The following GALK2 variants were observed in gnomAD, a reference collection of about 807,000 sequenced individuals.
GALK2 encodes the protein N-acetylgalactosamine kinase.
Under a neutral mutation model 52.4 loss-of-function variants are expected in GALK2, and 36 were observed. That is an observed-to-expected ratio of 0.69 (90% CI 0.53 to 0.91). GALK2 has a LOEUF of 0.91. Among genes scored for constraint, GALK2 ranks in the 40% least tolerant of loss-of-function variants. GALK2 has a pLI of 0.00. For missense variants in GALK2, 579 were observed against 559.1 expected (o/e 1.04, Z -0.36); for synonymous variants, 176 against 199.1 (o/e 0.88, Z 0.98).
upstream of GALK2, among the ~76,000 whole-genome samples, chr15:49,166,456 C>T (rs113063630): frequency 0.17 from 25,676 of 152,050 alleles, 2,442 homozygotes; most frequent in Non-Finnish European, 0.21. Flanking sequence ...CAGTAGCTCA[C>T]GCCTGTAATC....
chr15:49,210,441 T>C (rs148344284), intron 2 of GALK2, among the ~76,000 whole-genome samples: 3,824 of 150,202 alleles, frequency 0.025, 91 homozygotes, highest in African/African-American at 0.052. Flanking sequence ...TTTTATTTTA[T>C]TATTATTATT....
At chr15:49,265,143 G>T (rs1451508204) in intron 5 of GALK2, among the ~76,000 whole-genome samples, 1 of 152,218 alleles carries the variant, frequency 6.6e-6, no homozygotes, top group South Asian at 2.1e-4. Context: ...AGAGGTTACT[G>T]CTGTCTTTTT....
intron 8 of GALK2, among the ~76,000 whole-genome samples, chr15:49,303,957 T>TTTCA (rs1389938192): frequency 6.6e-6 from 1 of 152,236 alleles, no homozygotes; most frequent in African/African-American, 2.4e-5. Flanking sequence ...CATGGATGTA[T>TTTCA]CTCTGTCTTT....
intron 1 of GALK2, among the ~76,000 whole-genome samples, chr15:49,173,062 C>T (rs893489040): frequency 6.6e-6 from 1 of 152,134 alleles, no homozygotes; most frequent in Non-Finnish European, 1.5e-5. Flanking sequence ...AACTCCATTC[C>T]CTTTCCCCTC....
chr15:49,342,428 CT>C (rs2040877256), intron 3 of GALK2, among the ~76,000 whole-genome samples: 1 of 152,030 alleles, frequency 6.6e-6, no homozygotes, highest in African/African-American at 2.4e-5. Flanking sequence ...GGTGTTGTTA[CT>C]TGTAAAAAGG....
chr15:49,241,409 G>A (rs1195751387), intron 5 of GALK2, among the ~76,000 whole-genome samples: 1 of 152,136 alleles, frequency 6.6e-6, no homozygotes, highest in Admixed American at 6.5e-5. Flanking sequence ...GGATTGAGGA[G>A]TAGTCCAGTA....
At position 49,328,912 on chromosome 15, in the gene GALK2, C is replaced by CTT. The variant is rs887024627; in HGVS notation, c.*754_*755dup. On this transcript the variant is annotated 3_prime_UTR_variant, in exon 10 of 10. Coordinates refer to ENST00000560031, the MANE Select transcript of GALK2 (RefSeq NM_002044.4). The stretch of plus-strand genomic sequence containing the variant: ...CTATCTCCATTACTTAATAGAAAAA[C>CTT]TTAGATAAAAAACACTTTAAGACTC... The CTT allele has an allele frequency of 1.1e-4, 136 of 1,226,872 alleles. No homozygotes were observed. Among genetic ancestry groups the CTT allele is most frequent in the Middle Eastern group, 3.2e-4 (1 of 3,144 alleles). The allele number at this position is 1,226,872 out of a possible 1,614,324, so 76.0% of individuals were successfully genotyped here. A position where few individuals can be genotyped will look rare whatever the true frequency, so the allele number is the denominator to read the frequency against.
intron 8 of GALK2, among the ~76,000 whole-genome samples, chr15:49,308,753 A>G (rs2035749386): frequency 6.6e-6 from 1 of 152,208 alleles, no homozygotes. Flanking sequence ...TACACAGACT[A>G]AAGTGTATTT....
intron 5 of GALK2, among the ~76,000 whole-genome samples, chr15:49,260,129 A>G (rs2092028613): frequency 6.6e-6 from 1 of 152,118 alleles, no homozygotes; most frequent in Non-Finnish European, 1.5e-5. Context: ...TGGTATTTCT[A>G]GTTCTAGATC....
At chr15:49,212,871 T>C (rs1215011392) in intron 2 of GALK2, among the ~76,000 whole-genome samples, 2 of 152,222 alleles carry the variant, frequency 1.3e-5, no homozygotes, top group East Asian at 3.8e-4. Context: ...TTACTTGATA[T>C]TATTTTAACT....
At chr15:49,338,946 C>G (rs147689728) in intron 3 of GALK2, among the ~76,000 whole-genome samples, 1 of 152,110 alleles carries the variant, frequency 6.6e-6, no homozygotes, top group Non-Finnish European at 1.5e-5. Flanking sequence ...GTATGCTTCA[C>G]GAAGTTCTCA....
chr15:49,359,064 T>C (rs1596500485), intron 3 of GALK2, among the ~76,000 whole-genome samples: 1 of 152,172 alleles, frequency 6.6e-6, no homozygotes, highest in East Asian at 1.9e-4. Context: ...GATCCCTTCC[T>C]TACACCTTAT....
intron 5 of GALK2, among the ~76,000 whole-genome samples, chr15:49,266,412 A>G (rs1406689248): frequency 6.6e-6 from 1 of 152,196 alleles, no homozygotes; most frequent in African/African-American, 2.4e-5. Flanking sequence ...GTCATTTTGC[A>G]GTCTAATATA....
At chr15:49,354,263 C>G (rs992801320) in intron 3 of GALK2, among the ~76,000 whole-genome samples, 1 of 152,202 alleles carries the variant, frequency 6.6e-6, no homozygotes, top group African/African-American at 2.4e-5. Context: ...CGAATAGGAA[C>G]AGCTCCGGTC....
chr15:49,346,487 G>A lies in GALK2; in HGVS notation c.427-21004G>A, dbSNP rs148705877. Among the ~76,000 whole-genome samples, 860 of 152,238 alleles carry A rather than the reference G, an allele frequency of 5.6e-3. 6 individuals carry two copies. Among genetic ancestry groups the A allele is most frequent in the African/African-American group, 0.02 (820 of 41,540 alleles). On this transcript the variant is annotated intron_variant, in intron 3 of 3. Transcript: ENST00000558399. ...CTTATTTTAGGGGAAGTAGATGTGA[G>A]AGCTGTTCTCCTGCCTCCTTGCTTG...
chr15:49,286,192 A>T (rs2033332026), intron 7 of GALK2, among the ~76,000 whole-genome samples: 1 of 152,190 alleles, frequency 6.6e-6, no homozygotes, highest in Non-Finnish European at 1.5e-5. Flanking sequence ...CTTCTTTCAG[A>T]TTCAGTTTTA....
At chr15:49,160,558 C>T (rs2084617573) in intron 1 of GALK2, among the ~76,000 whole-genome samples, 3 of 151,920 alleles carry the variant, frequency 2.0e-5, no homozygotes, top group Non-Finnish European at 4.4e-5. Flanking sequence ...CTACTGTTGA[C>T]CCATCATAAT....
chr15:49,230,935 G>T (rs1024343283), intron 3 of GALK2, among the ~76,000 whole-genome samples: 1 of 152,124 alleles, frequency 6.6e-6, no homozygotes, highest in Non-Finnish European at 1.5e-5. Flanking sequence ...TCAGGAAAAG[G>T]CTAGGTAGAG....
At chr15:49,353,125 A>C (rs934581767) in intron 3 of GALK2, among the ~76,000 whole-genome samples, 2 of 152,222 alleles carry the variant, frequency 1.3e-5, no homozygotes, top group Non-Finnish European at 1.5e-5. Context: ...AATAGTTGCC[A>C]ATTCAGCCAC....
Sources: allele counts gnomAD v4.1 joint callset (sites outside exome capture counted in the v4.1 genomes callset), GRCh38; gene constraint gnomAD v4.1.1; transcripts MANE v1.5; gene names NCBI Gene and HGNC (gene_info 2026-07-23, HGNC 2026-07-21).